Variants in PHACTR2 observed in about 807,000 individuals in gnomAD.
PHACTR2 encodes phosphatase and actin regulator 2, also known as chromosome 6 open reading frame 56.
PHACTR2 carries 30 observed loss-of-function variants against 76.0 expected under a neutral mutation model. That is an observed-to-expected ratio of 0.39 (90% CI 0.30 to 0.54). The LOEUF (loss-of-function observed/expected upper bound fraction) is 0.54. Ranked by LOEUF, PHACTR2 falls within the 20% of genes least tolerant of loss-of-function variation. The pLI, the probability that PHACTR2 is intolerant of heterozygous loss-of-function variation, is 0.61. For synonymous variants in PHACTR2, 292 were observed against 292.5 expected (o/e 1.00, Z 0.02); for missense variants, 696 against 781.1 (o/e 0.89, Z 1.30).
intron 1 of PHACTR2, among the ~76,000 whole-genome samples, chr6:143,569,151 G>T (rs989228320): frequency 1.6e-4 from 24 of 152,204 alleles, no homozygotes; most frequent in African/African-American, 5.8e-4. Context: ...TTGCAGTTAG[G>T]CAGGGCTATG....
chr6:143,721,122 G>A (rs2128463294), intron 2 of PHACTR2, among the ~76,000 whole-genome samples: 2 of 152,312 alleles, frequency 1.3e-5, no homozygotes, highest in East Asian at 3.9e-4. Context: ...TGGAGTTCCA[G>A]TTTAGAATGG....
rs143486389 is a variant in PHACTR2 at position 143,715,441 on chromosome 6, G to A, written c.214+3258G>A. On this transcript the variant is annotated intron_variant, in intron 2 of 12. Transcript: ENST00000440869. ...CAAACTGGCCCAGGCTCCAGCTGAT[G>A]CCCATGCACATCTACCCAAGCACCT... Among the ~76,000 whole-genome samples the A allele has an allele frequency of 2.9e-3, 436 of 152,272 alleles. 4 individuals carry two copies. Among genetic ancestry groups the A allele is most frequent in the African/African-American group, 9.9e-3 (411 of 41,544 alleles).
chr6:143,753,564 T>A lies in PHACTR2; in HGVS notation c.296-190T>A, dbSNP rs1234429106. Reference sequence around the variant, plus strand: ...AAATGGCGCATAGATATTCCCTCCATAGCAGCTTTTCCCCAAGACAGAGGA... The same window carrying A: ...AAATGGCGCATAGATATTCCCTCCAAAGCAGCTTTTCCCCAAGACAGAGGA... On this transcript the variant is annotated intron_variant, in intron 3 of 12. Transcript: ENST00000440869. The surrounding 1 kb of genome is among the most constrained non-coding windows in gnomAD (Gnocchi z 4.6). Among the ~76,000 whole-genome samples, 1 of 152,174 alleles carries A rather than the reference T, an allele frequency of 6.6e-6. No individual in the cohort carries two copies. Among genetic ancestry groups the A allele is most frequent in the Non-Finnish European group, 1.5e-5 (1 of 68,010 alleles).
At chr6:143,540,387 T>A (rs1399716632) in intron 1 of PHACTR2, among the ~76,000 whole-genome samples, 1 of 152,142 alleles carries the variant, frequency 6.6e-6, no homozygotes, top group Non-Finnish European at 1.5e-5. Flanking sequence ...CCTGCAATCA[T>A]TACCCCAGCC....
intron 1 of PHACTR2, among the ~76,000 whole-genome samples, chr6:143,590,710 T>C (rs1775680479): frequency 6.6e-6 from 1 of 152,168 alleles, no homozygotes; most frequent in Admixed American, 6.5e-5. Context: ...GAACACGCTG[T>C]CTTAGATGTT....
At position 143,537,265 on chromosome 6, in the gene PHACTR2, G is replaced by A. The variant is rs1472538257; in HGVS notation, c.217+58G>A. ...GCCGGCCGCGGGCAGGTGGCCGCGA[G>A]GGCGACGCGGCCAACCCGGGGCGCC... is the stretch of plus-strand genomic sequence containing the variant. On this transcript the variant is annotated intron_variant, in intron 1 of 11. Transcript: ENST00000367584. The surrounding 1 kb of genome is among the most constrained non-coding windows in gnomAD (Gnocchi z 4.4). The A allele has an allele frequency of 3.3e-5, 6 of 179,542 alleles. No individual in the cohort carries two copies. The highest frequency in any genetic ancestry group is 6.8e-5 in the Non-Finnish European group (6 of 87,922). 11.1% of individuals were successfully genotyped at this position (179,542 alleles called of 1,614,324 possible).
chr6:143,618,522 T>C lies in PHACTR2; in HGVS notation c.13+10200T>C, dbSNP rs1013234837. ...TGAGCGTCACTTGAGAAGGTGTCAG[T>C]GTCAGAGGGTTTTAAACTCCAAATG... is the stretch of plus-strand genomic sequence containing the variant. On this transcript the variant is annotated intron_variant, in intron 1 of 11. Transcript: ENST00000305766. This position sits in a 1 kb window ranked among gnomAD's most constrained non-coding sequence, Gnocchi z 5.2. Among the ~76,000 whole-genome samples, 3 of 152,052 alleles carry C rather than the reference T, an allele frequency of 2.0e-5. No individual in the cohort carries two copies. The highest frequency in any genetic ancestry group is 4.4e-5 in the Non-Finnish European group (3 of 68,020).
At chr6:143,705,293 A>AT (rs142316800) in intron 1 of PHACTR2, among the ~76,000 whole-genome samples, 30,034 of 107,878 alleles carry the variant, frequency 0.28, 4,853 homozygotes, top group East Asian at 0.35. Flanking sequence ...TAATTTTTGC[A>AT]TTTTTTTTTT....
In PHACTR2 at chr6:143,823,601, C is replaced by A; in HGVS notation, c.1923-73C>A. 8.7e-7 allele frequency: 1 copy of A among 1,144,250 alleles called. No homozygotes were observed. Among genetic ancestry groups the A allele is most frequent in the Non-Finnish European group, 1.3e-6 (1 of 757,288 alleles). 70.9% of individuals were successfully genotyped at this position (1,144,250 alleles called of 1,614,324 possible). A position where few individuals can be genotyped will look rare whatever the true frequency, so the allele number is the denominator to read the frequency against. The stretch of plus-strand genomic sequence containing the variant: ...TACCTTTTCATTGTAAACATGACCA[C>A]GCCTTATTCAGCTCACTGCATGCAG... On this transcript the variant is annotated intron_variant, in intron 12 of 12. Transcript: ENST00000440869. This position sits in a 1 kb window ranked among gnomAD's most constrained non-coding sequence, Gnocchi z 5.7.
chr6:143,564,187 G>A (rs1255661372), intron 1 of PHACTR2, among the ~76,000 whole-genome samples: 7,123 of 59,964 alleles, frequency 0.12, 494 homozygotes, highest in Non-Finnish European at 0.17. Context: ...GTGTGTATGT[G>A]TGTGTGTGCA....
intron 12 of PHACTR2, among the ~76,000 whole-genome samples, chr6:143,815,322 A>C (rs1289502998): frequency 6.6e-6 from 1 of 152,220 alleles, no homozygotes; most frequent in Admixed American, 6.5e-5. Context: ...GTATATGTAC[A>C]GGAGGATCCC....
In PHACTR2 at chr6:143,754,034, G is replaced by A; in HGVS notation, c.454+122G>A. On this transcript the variant is annotated intron_variant, in intron 4 of 12. Coordinates refer to ENST00000440869, the MANE Select transcript of PHACTR2 (RefSeq NM_001100164.2). The surrounding 1 kb of genome is among the most constrained non-coding windows in gnomAD (Gnocchi z 6.2). ...TCTGCAGAGGAGAGGTTTACAAATA[G>A]AAAAAAGAAAGAAATGATAACTAGT... 1 of 508,702 alleles carries A rather than the reference G, an allele frequency of 2.0e-6. No individual in the cohort carries two copies. The highest frequency in any genetic ancestry group is 3.4e-5 in the East Asian group (1 of 29,568). The allele number at this position is 508,702 out of a possible 1,614,324, so 31.5% of individuals were successfully genotyped here. A position where few individuals can be genotyped will look rare whatever the true frequency, so the allele number is the denominator to read the frequency against.
chr6:143,704,856 T>A (rs1279720644), intron 1 of PHACTR2, among the ~76,000 whole-genome samples: 1 of 152,194 alleles, frequency 6.6e-6, no homozygotes, highest in African/African-American at 2.4e-5. Flanking sequence ...TGAGATGGGA[T>A]CTCGCTCAGT....
intron 2 of PHACTR2, among the ~76,000 whole-genome samples, chr6:143,713,420 C>T (rs1695946057): frequency 6.6e-6 from 1 of 152,096 alleles, no homozygotes; most frequent in African/African-American, 2.4e-5. Context: ...ATTCTCATTT[C>T]TCTGCTTATA....
intron 2 of PHACTR2, among the ~76,000 whole-genome samples, chr6:143,726,487 ACT>A (rs756767897): frequency 4.6e-5 from 7 of 152,142 alleles, no homozygotes; most frequent in Non-Finnish European, 8.8e-5. Flanking sequence ...GAATTTGACT[ACT>A]TTAGATCCCT....
chr6:143,784,757 G>A lies in PHACTR2; in HGVS notation c.1707+1477G>A, dbSNP rs1012310500. Among the ~76,000 whole-genome samples, 2 of 152,162 alleles carry A rather than the reference G, an allele frequency of 1.3e-5. No homozygotes were observed. The highest frequency in any genetic ancestry group is 2.9e-5 in the Non-Finnish European group (2 of 68,030). On this transcript the variant is annotated intron_variant, in intron 10 of 12. Transcript: ENST00000440869. The surrounding 1 kb of genome is among the most constrained non-coding windows in gnomAD (Gnocchi z 4.5). Reference sequence around the variant, plus strand: ...GGAGGCCTCAGAATCATGGCAGGAGGCAAAAGGCTCTTCTAACATGGTGGC... The same window carrying A: ...GGAGGCCTCAGAATCATGGCAGGAGACAAAAGGCTCTTCTAACATGGTGGC...
In PHACTR2 at chr6:143,708,734, A is replaced by T. The variant is rs953030203; in HGVS notation, c.47-3282A>T. On this transcript the variant is annotated intron_variant, in intron 1 of 12. Transcript: ENST00000440869. This position sits in a 1 kb window ranked among gnomAD's most constrained non-coding sequence, Gnocchi z 5.5. ...CTCACATTCATGATTTAAGAGAAGTACAATGGCACATCGGCCAACTGTGCC... is the reference window on the plus strand; with the variant it reads ...CTCACATTCATGATTTAAGAGAAGTTCAATGGCACATCGGCCAACTGTGCC... Among the ~76,000 whole-genome samples the T allele has an allele frequency of 6.6e-6, 1 of 152,248 alleles. No homozygotes were observed. The highest frequency in any genetic ancestry group is 2.4e-5 in the African/African-American group (1 of 41,466).
At chr6:143,745,814 C>A (rs1284635053) in intron 2 of PHACTR2, among the ~76,000 whole-genome samples, 1 of 152,202 alleles carries the variant, frequency 6.6e-6, no homozygotes, top group East Asian at 1.9e-4. Context: ...CGGCATTTTC[C>A]TATCAGAGCC....
At chr6:143,686,883 C>T (rs1184565170) in intron 1 of PHACTR2, among the ~76,000 whole-genome samples, 2 of 152,122 alleles carry the variant, frequency 1.3e-5, no homozygotes, top group East Asian at 1.9e-4. Context: ...TCCACCTGGA[C>T]CTTGACCGTA....
Sources: allele counts gnomAD v4.1 joint callset (sites outside exome capture counted in the v4.1 genomes callset), GRCh38; gene constraint gnomAD v4.1.1; non-coding constraint Gnocchi (gnomAD v3.1); transcripts MANE v1.5; gene names NCBI Gene and HGNC (gene_info 2026-07-23, HGNC 2026-07-21).